The following WDR4 variants were observed in gnomAD, a reference collection of about 807,000 sequenced individuals.
WDR4 encodes tRNA (guanine-N(7)-)-methyltransferase non-catalytic subunit WDR4.
WDR4 carries 47 observed loss-of-function variants against 48.6 expected under a neutral mutation model. The observed-to-expected ratio is 0.97, with a 90% confidence interval of 0.77 to 1.23. The LOEUF is 1.23. Ranked by LOEUF, WDR4 falls within the 50% of genes most tolerant of loss-of-function variation. WDR4 has a pLI of 0.00. For synonymous variants in WDR4, 268 were observed against 230.0 expected (o/e 1.17, Z -1.49); for missense variants, 606 against 551.6 (o/e 1.10, Z -0.99).
rs1282894864 is a variant in WDR4 at position 42,863,683 on chromosome 21, G to T, written c.297-87C>A. ...TGGCAGGCCACGTGGGCGGTGGCAG[G>T]CACCGGTACCTGGCCATATGCTCTG... On this transcript the variant is annotated intron_variant, in intron 3 of 10. Coordinates refer to ENST00000398208, the MANE Select transcript of WDR4 (RefSeq NM_018669.6). 27 of 1,441,608 alleles carry T rather than the reference G, an allele frequency of 1.9e-5. No individual in the cohort carries two copies. The East Asian group carries it at 5.6e-4, about 30-fold the overall frequency. The allele number at this position is 1,441,608 out of a possible 1,614,324, so 89.3% of individuals were successfully genotyped here.
chr21:42,872,694 G>A (rs1020626917), intron 3 of WDR4, among the ~76,000 whole-genome samples: 3 of 152,014 alleles, frequency 2.0e-5, no homozygotes, highest in Non-Finnish European at 4.4e-5. Context: ...CAGCAGTTTG[G>A]GAGGCCGAGG....
At chr21:42,879,572 G>C, upstream of WDR4, 1 of 1,560,570 alleles carries the variant, frequency 6.4e-7, no homozygotes, top group East Asian at 2.3e-5. Context: ...GTGACGCCAG[G>C]CGCAGACGCC....
intron 2 of WDR4, among the ~76,000 whole-genome samples, chr21:42,875,871 T>C (rs1270204511): frequency 6.6e-6 from 1 of 151,474 alleles, no homozygotes; most frequent in African/African-American, 2.4e-5. Flanking sequence ...TAAGATGTGA[T>C]TACTGACAGA....
downstream of WDR4, among the ~76,000 whole-genome samples, chr21:42,847,372 G>A (rs187693300): frequency 3.1e-4 from 47 of 152,336 alleles, no homozygotes; most frequent in African/African-American, 1.1e-3. Flanking sequence ...TCGGGCAGGT[G>A]AACAGGAACC....
intron 2 of WDR4, among the ~76,000 whole-genome samples, chr21:42,874,003 G>A (rs2058432181): frequency 1.3e-5 from 2 of 152,086 alleles, no homozygotes; most frequent in African/African-American, 4.8e-5. Context: ...CTAGAGGCAG[G>A]GATAAACTCA....
chr21:42,881,680 TCTAGTCCAAAG>T, upstream of WDR4, among the ~76,000 whole-genome samples: 2 of 152,346 alleles, frequency 1.3e-5, no homozygotes, highest in East Asian at 3.9e-4. Context: ...TTTCCAGACT[TCTAGTCCAAAG>T]CTAATGCCAC....
rs550185869 is a variant in WDR4 at position 42,849,497 on chromosome 21, C to T, written c.*552G>A. On this transcript the variant is annotated 3_prime_UTR_variant, in exon 11 of 11. Transcript: ENST00000398208. The stretch of plus-strand genomic sequence containing the variant: ...GACTCCGAAACGTGTTTCTCACTTC[C>T]CACAAGGGAGCCACTCTCCAGGAGC... 6 of 152,596 alleles carry T rather than the reference C, an allele frequency of 3.9e-5. No homozygotes were observed. The highest frequency in any genetic ancestry group is 1.4e-4 in the African/African-American group (6 of 41,580). The allele number at this position is 152,596 out of a possible 1,614,324, so 9.5% of individuals were successfully genotyped here.
chr21:42,879,465 C>T lies in WDR4; in HGVS notation c.31G>A (p.Gly11Arg), dbSNP rs1236129671. The T allele has an allele frequency of 4.3e-6, 7 of 1,613,688 alleles. No individual in the cohort carries two copies. The highest frequency in any genetic ancestry group is 5.9e-6 in the Non-Finnish European group (7 of 1,179,900). MAGSVGLALC[G>R]QTLVVRGGSR... is the part of the protein sequence containing the mutation. ...CCGCCCCGCACCACCAACGTCTGCCCGCACAACGCCAGTCCCACAGAGCCC... is the reference window on the plus strand; with the variant it reads ...CCGCCCCGCACCACCAACGTCTGCCTGCACAACGCCAGTCCCACAGAGCCC... The change falls in exon 1 of 11, where the codon GGG (glycine) becomes AGG (arginine). Residue 11 changes from glycine (G) to arginine (R), a missense_variant. Gly to Arg is a moderately radical substitution (Grantham distance 125). Coordinates refer to ENST00000398208, the MANE Select transcript of WDR4 (RefSeq NM_018669.6).
intron 10 of WDR4, among the ~76,000 whole-genome samples, chr21:42,851,626 G>A (rs2057829799): frequency 6.6e-6 from 1 of 152,184 alleles, no homozygotes; most frequent in Admixed American, 6.5e-5. Context: ...GCACAACGAC[G>A]CACCCAGAAC....
intron 1 of WDR4, among the ~76,000 whole-genome samples, chr21:42,877,937 C>G (rs563691459): frequency 5.4e-5 from 8 of 149,184 alleles, no homozygotes; most frequent in African/African-American, 1.7e-4. Flanking sequence ...CCCAACTACT[C>G]GGGAGGCTGA....
intron 3 of WDR4, among the ~76,000 whole-genome samples, chr21:42,867,159 G>A (rs1245294228): frequency 6.6e-5 from 10 of 152,208 alleles, no homozygotes; most frequent in Admixed American, 6.5e-4. Context: ...GGGAAGCCAA[G>A]GTGGGCAGAT....
intron 3 of WDR4, among the ~76,000 whole-genome samples, chr21:42,870,343 T>C (rs181770902): frequency 6.6e-6 from 1 of 151,488 alleles, no homozygotes; most frequent in East Asian, 2.0e-4. Flanking sequence ...AGAGCGAGAC[T>C]CTGTCTCAAA....
intron 9 of WDR4, among the ~76,000 whole-genome samples, chr21:42,853,120 C>T (rs1158275376): frequency 2.0e-5 from 3 of 152,042 alleles, no homozygotes. Flanking sequence ...CCCAGAGACC[C>T]CACTGTCTCC....
At chr21:42,879,049 T>C in intron 1 of WDR4, 1 of 1,081,120 alleles carries the variant, frequency 9.2e-7, no homozygotes, top group Non-Finnish European at 1.1e-6. Context: ...GGCCGGGCCT[T>C]GCTGACTGGT....
chr21:42,856,960 C>T (rs898369079), intron 6 of WDR4, among the ~76,000 whole-genome samples: 1 of 152,030 alleles, frequency 6.6e-6, no homozygotes, highest in Admixed American at 6.6e-5. Context: ...AGAAGGCAGC[C>T]GCGGAGAGAC....
At chr21:42,888,439 G>A in the WDR4 span, among the ~76,000 whole-genome samples, 3 of 152,164 alleles carry the variant, frequency 2.0e-5, no homozygotes, top group African/African-American at 7.2e-5. Flanking sequence ...TGCACCTGTA[G>A]TCCCAGCTAC....
At chr21:42,876,309 G>C in intron 2 of WDR4, among the ~76,000 whole-genome samples, 1 of 147,496 alleles carries the variant, frequency 6.8e-6, no homozygotes, top group East Asian at 2.0e-4. Context: ...CGCCTCCCAG[G>C]TTCAAGTGAT....
At chr21:42,848,650 C>A (rs2057737112), downstream of WDR4, among the ~76,000 whole-genome samples, 1 of 107,202 alleles carries the variant, frequency 9.3e-6, no homozygotes, top group Non-Finnish European at 1.8e-5. Context: ...ACACACACAG[C>A]GCACGATCAC....
Position 42,873,663 on chromosome 21 carries a change from C to T in WDR4, c.184G>A (p.Gly62Ser), listed in dbSNP as rs768093761. ...GEDAPLDQGS[G>S]AILASTFSKS... ...GAGAAGGTGGACGCCAGAATCGCAC[C>T]GCTCCCCTGGTCCAAGGGCGCGTCC... The change falls in exon 3 of 11, where the codon GGT (glycine) becomes AGT (serine). Residue 62 changes from glycine (G) to serine (S), a missense_variant. Coordinates refer to ENST00000398208, the MANE Select transcript of WDR4 (RefSeq NM_018669.6). 1.2e-5 allele frequency: 19 copies of T among 1,614,050 alleles called. No individual in the cohort carries two copies. Among genetic ancestry groups the T allele is most frequent in the South Asian group, 4.4e-5 (4 of 91,068 alleles).
Sources: allele counts gnomAD v4.1 joint callset (sites outside exome capture counted in the v4.1 genomes callset), GRCh38; gene constraint gnomAD v4.1.1; transcripts MANE v1.5; gene names NCBI Gene and HGNC (gene_info 2026-07-23, HGNC 2026-07-21).